TMEM117: variants seen among roughly 807,000 people sequenced by gnomAD.
The protein encoded by TMEM117 is transmembrane protein 117.
TMEM117 carries 27 observed loss-of-function variants against 52.4 expected under a neutral mutation model. The ratio of observed to expected loss-of-function variants is 0.51; its 90% confidence interval spans 0.38 to 0.71. The LOEUF (loss-of-function observed/expected upper bound fraction) is 0.71. TMEM117 is among the 30% of genes least tolerant of loss of function. TMEM117 has a pLI of 0.00. For missense variants in TMEM117, 556 were observed against 630.5 expected, an observed-to-expected ratio of 0.88 and a Z score of 1.26; for synonymous variants, 215 against 206.3, an observed-to-expected ratio of 1.04 and a Z score of -0.36.
At chr12:44,391,763 A>G (rs1229887243), downstream of TMEM117, among the ~76,000 whole-genome samples, 1 of 152,170 alleles carries the variant, frequency 6.6e-6, no homozygotes, top group African/African-American at 2.4e-5. Flanking sequence ...CTAAGACCTC[A>G]GTACCCTGCC....
intron 2 of TMEM117, among the ~76,000 whole-genome samples, chr12:43,863,264 A>T (rs1476039580): frequency 2.3e-5 from 2 of 86,758 alleles, no homozygotes; most frequent in African/African-American, 6.3e-5. Context: ...CAACAACAAC[A>T]AACAAACAAA....
chr12:43,804,614 T>A, the TMEM117 span: 3 of 1,348,826 alleles, frequency 2.2e-6, no homozygotes, highest in Non-Finnish European at 3.1e-6. Context: ...TATACTTACA[T>A]ATAAATACTT....
intron 3 of TMEM117, among the ~76,000 whole-genome samples, chr12:43,964,768 A>G (rs1021540684): frequency 7.9e-5 from 12 of 152,156 alleles, no homozygotes; most frequent in African/African-American, 2.7e-4. Context: ...TTAGTACTGT[A>G]TACATTCTGA....
chr12:43,942,120 G>GA (rs1265688403), intron 2 of TMEM117, among the ~76,000 whole-genome samples: 1 of 152,176 alleles, frequency 6.6e-6, no homozygotes, highest in Non-Finnish European at 1.5e-5. Flanking sequence ...CAGCAAAGGG[G>GA]CCCCTGAACA....
At chr12:44,019,745 G>T (rs1036786764) in intron 3 of TMEM117, among the ~76,000 whole-genome samples, 1 of 152,018 alleles carries the variant, frequency 6.6e-6, no homozygotes, top group Non-Finnish European at 1.5e-5. Flanking sequence ...ATAGATATGT[G>T]GAAGTCCTTC....
chr12:43,867,338 G>A (rs1379695117), intron 2 of TMEM117, among the ~76,000 whole-genome samples: 1 of 151,986 alleles, frequency 6.6e-6, no homozygotes, highest in Admixed American at 6.6e-5. Flanking sequence ...ATATAAAGAG[G>A]ATACGTAAGA....
At chr12:44,127,073 A>G (rs149326980) in intron 3 of TMEM117, among the ~76,000 whole-genome samples, 1 of 152,344 alleles carries the variant, frequency 6.6e-6, no homozygotes, top group Non-Finnish European at 1.5e-5. Context: ...CTCAATGATA[A>G]TATTGATGAG....
intron 5 of TMEM117, among the ~76,000 whole-genome samples, chr12:44,246,182 C>T (rs1207787695): frequency 6.6e-6 from 1 of 151,936 alleles, no homozygotes; most frequent in Non-Finnish European, 1.5e-5. Context: ...TTTGCAAGTA[C>T]AGTAATGGAC....
chr12:44,143,869 A>G (rs1290314871), intron 4 of TMEM117, among the ~76,000 whole-genome samples: 1 of 152,220 alleles, frequency 6.6e-6, no homozygotes, highest in Non-Finnish European at 1.5e-5. Context: ...CTATCTATCT[A>G]TCATCTACCT....
At chr12:44,345,044 G>T (rs987106662) in intron 6 of TMEM117, among the ~76,000 whole-genome samples, 4 of 151,898 alleles carry the variant, frequency 2.6e-5, no homozygotes, top group African/African-American at 9.7e-5. Flanking sequence ...AACTATCTGG[G>T]GACTGGGAAG....
At chr12:43,911,916 A>C (rs2137534131) in intron 2 of TMEM117, among the ~76,000 whole-genome samples, 1 of 143,866 alleles carries the variant, frequency 7.0e-6, no homozygotes, top group South Asian at 2.4e-4. Context: ...AAACTAGTTC[A>C]ACCATTGTGG....
intron 1 of TMEM117, among the ~76,000 whole-genome samples, chr12:43,843,988 A>G (rs1943157479): frequency 6.6e-6 from 1 of 152,210 alleles, no homozygotes. Context: ...ATATTGTTTA[A>G]CTTTTGTTAA....
intron 2 of TMEM117, among the ~76,000 whole-genome samples, chr12:43,882,860 A>G (rs566310066): frequency 1.3e-5 from 2 of 152,312 alleles, no homozygotes; most frequent in East Asian, 3.9e-4. Flanking sequence ...TGTTTGGAGG[A>G]AAAAAACTAA....
chr12:43,962,643 C>T (rs1406096901), intron 3 of TMEM117, among the ~76,000 whole-genome samples: 1 of 152,022 alleles, frequency 6.6e-6, no homozygotes, highest in Non-Finnish European at 1.5e-5. Flanking sequence ...TAGGAGGGGC[C>T]GGGCACGTGG....
intron 2 of TMEM117, among the ~76,000 whole-genome samples, chr12:43,855,356 G>A (rs911527946): frequency 4.0e-5 from 6 of 151,542 alleles, no homozygotes; most frequent in East Asian, 1.9e-4. Context: ...TCCGCCTGCC[G>A]GGTTCAAGGG....
chr12:44,228,792 G>A (rs1949896805), intron 5 of TMEM117, among the ~76,000 whole-genome samples: 1 of 152,316 alleles, frequency 6.6e-6, no homozygotes, highest in African/African-American at 2.4e-5. Flanking sequence ...AGTGAAAAAG[G>A]TGGAGGGTCA....
chr12:44,116,220 T>C (rs979339170), intron 3 of TMEM117, among the ~76,000 whole-genome samples: 8 of 152,238 alleles, frequency 5.3e-5, no homozygotes, highest in Non-Finnish European at 1.2e-4. Context: ...TTGTATTCTT[T>C]GTTATATCGC....
At chr12:44,190,818 G>T (rs1165341764) in intron 4 of TMEM117, among the ~76,000 whole-genome samples, 1 of 150,778 alleles carries the variant, frequency 6.6e-6, no homozygotes, top group Non-Finnish European at 1.5e-5. Flanking sequence ...ATTTCTTATG[G>T]AAGTTTTACT....
intron 3 of TMEM117, among the ~76,000 whole-genome samples, chr12:44,116,411 A>G (rs1283399388): frequency 6.6e-6 from 1 of 151,174 alleles, no homozygotes; most frequent in Non-Finnish European, 1.5e-5. Context: ...TGCAAACTGC[A>G]CTTCTAGCCT....
Sources: gnomAD v4.1 joint callset for allele counts (sites outside exome capture counted in the v4.1 genomes callset) on GRCh38, gnomAD v4.1.1 for gene constraint, MANE v1.5 for transcripts, NCBI Gene and HGNC (gene_info 2026-07-23, HGNC 2026-07-21) for gene names.